Variants in IST1 observed in about 807,000 individuals in gnomAD.
IST1 encodes IST1 factor associated with ESCRT-III.
In IST1, 23 loss-of-function variants were observed where a neutral mutation model predicts 37.0. The ratio of observed to expected loss-of-function variants is 0.62; its 90% confidence interval spans 0.45 to 0.88. The LOEUF (loss-of-function observed/expected upper bound fraction) is 0.88, where lower values mean the gene tolerates loss of function less well. IST1 is among the 40% of genes least tolerant of loss of function. The pLI is 0.00. For missense variants in IST1, 488 were observed against 445.4 expected, an observed-to-expected ratio of 1.10 and a Z score of -0.86; for synonymous variants, 180 against 161.7, an observed-to-expected ratio of 1.11 and a Z score of -0.86.
At position 71,927,870 on chromosome 16, in the gene IST1, T is replaced by C; in HGVS notation, c.*57T>C. The C allele has an allele frequency of 2.5e-6, 3 of 1,197,190 alleles. No individual in the cohort carries two copies. The South Asian group carries it at 3.7e-5, about 15-fold the overall frequency. 74.2% of individuals were successfully genotyped at this position (1,197,190 alleles called of 1,614,324 possible). A position where few individuals can be genotyped will look rare whatever the true frequency, so the allele number is the denominator to read the frequency against. On this transcript the variant is annotated 3_prime_UTR_variant, in exon 10 of 10. Coordinates refer to ENST00000378799, the MANE Select transcript of IST1 (RefSeq NM_001270975.2). ...GGAGTTGAGACTGAGCAATTTCTCC[T>C]TGTAACAAAGAATCTCCATGAAATT...
chr16:71,910,347 C>T (rs1364162888), intron 1 of IST1, among the ~76,000 whole-genome samples: 1 of 152,118 alleles, frequency 6.6e-6, no homozygotes, highest in African/African-American at 2.4e-5. Flanking sequence ...AGGCTCAAGT[C>T]TGTAATCCCA....
Position 71,929,691 on chromosome 16 carries a change from G to C in IST1, c.*1878G>C, listed in dbSNP as rs1359928651. 1 of 1,518,376 alleles carries C rather than the reference G, an allele frequency of 6.6e-7. No individual in the cohort carries two copies. The highest frequency in any genetic ancestry group is 1.4e-5 in the African/African-American group (1 of 71,292). 94.1% of individuals were successfully genotyped at this position (1,518,376 alleles called of 1,614,324 possible). On this transcript the variant is annotated 3_prime_UTR_variant, in exon 10 of 10. Transcript: ENST00000378799. ...GTGCAGCTTCTTTCTGAGTATTGAA[G>C]ACAAAAAGAGAAAAGTGAGAAAATT...
chr16:71,915,503 C>A (rs1597247828), intron 1 of IST1, 123 bp from the exon 2 acceptor site: 3 of 615,560 alleles, frequency 4.9e-6, no homozygotes, highest in Admixed American at 3.2e-5. Context: ...TGAATTAGAT[C>A]ATGTCATTTT....
intron 1 of IST1, among the ~76,000 whole-genome samples, chr16:71,902,827 T>A (rs1338541384): frequency 6.6e-6 from 1 of 152,162 alleles, no homozygotes; most frequent in African/African-American, 2.4e-5. Flanking sequence ...TGTCAGTTTT[T>A]AAAAAATCGT....
intron 6 of IST1, among the ~76,000 whole-genome samples, chr16:71,922,030 G>A (rs752478835): frequency 3.3e-5 from 5 of 152,116 alleles, no homozygotes; most frequent in Admixed American, 6.5e-5. Flanking sequence ...TCAGCTACTC[G>A]GGAGGCTGAG....
At chr16:71,922,125 G>A (rs951830182) in intron 6 of IST1, among the ~76,000 whole-genome samples, 1 of 152,048 alleles carries the variant, frequency 6.6e-6, no homozygotes, top group Non-Finnish European at 1.5e-5. Flanking sequence ...GGGTGACAGA[G>A]TGAGACTCCG....
intron 1 of IST1, chr16:71,903,191 A>T (rs925465643): frequency 6.6e-6 from 1 of 152,098 alleles, no homozygotes; most frequent in African/African-American, 2.4e-5. Flanking sequence ...ACATTGTCCA[A>T]GCTGGTCTCA....
At chr16:71,910,985 CAAAA>C (rs753931103) in intron 1 of IST1, among the ~76,000 whole-genome samples, 7 of 151,452 alleles carry the variant, frequency 4.6e-5, no homozygotes, top group Non-Finnish European at 7.4e-5. Context: ...TAAAAACAAA[CAAAA>C]AAAACATTGG....
At chr16:71,911,101 C>T (rs369701545) in intron 1 of IST1, among the ~76,000 whole-genome samples, 1 of 151,898 alleles carries the variant, frequency 6.6e-6, no homozygotes, top group African/African-American at 2.4e-5. Context: ...ATTAGCTAGG[C>T]GTGGTGGTGT....
intron 1 of IST1, among the ~76,000 whole-genome samples, chr16:71,905,304 G>A (rs1055957647): frequency 1.3e-5 from 2 of 151,570 alleles, no homozygotes; most frequent in African/African-American, 4.9e-5. Flanking sequence ...AAAGTGCTGC[G>A]ATTATGGGCA....
intron 1 of IST1, among the ~76,000 whole-genome samples, chr16:71,899,381 C>G (rs891905062): frequency 6.6e-6 from 1 of 151,312 alleles, no homozygotes; most frequent in Non-Finnish European, 1.5e-5. Context: ...AGTTGGGAGA[C>G]CAGCCTGGGC....
chr16:71,925,308 C>A (rs948610517), intron 9 of IST1, among the ~76,000 whole-genome samples: 1 of 149,730 alleles, frequency 6.7e-6, no homozygotes, highest in Non-Finnish European at 1.5e-5. Context: ...AGCCACTGCC[C>A]CCAGCTGATT....
At chr16:71,907,557 G>A (rs1396258535) in intron 1 of IST1, among the ~76,000 whole-genome samples, 2 of 152,116 alleles carry the variant, frequency 1.3e-5, no homozygotes, top group African/African-American at 4.8e-5. Context: ...GATTACAGGC[G>A]TGAGCCACTG....
chr16:71,918,832 G>A (rs992642550), intron 4 of IST1, among the ~76,000 whole-genome samples: 1 of 152,180 alleles, frequency 6.6e-6, no homozygotes, highest in Non-Finnish European at 1.5e-5. Context: ...AAATCTCTGT[G>A]TAGTATAAAC....
chr16:71,921,400 A>T lies in IST1; in HGVS notation c.499A>T (p.Ile167Phe). The T allele has an allele frequency of 1.9e-6, 3 of 1,613,946 alleles. No individual in the cohort carries two copies. Among genetic ancestry groups the T allele is most frequent in the Non-Finnish European group, 2.5e-6 (3 of 1,179,832 alleles). Residue 167 changes from isoleucine to phenylalanine, a missense_variant, in exon 6 of 10, where the codon ATT becomes TTT. Physicochemically the swap from Ile to Phe is conservative, Grantham distance 21. Coordinates refer to ENST00000378799, the MANE Select transcript of IST1 (RefSeq NM_001270975.2). The stretch of plus-strand genomic sequence containing the variant: ...CAAAATCCTGGTGGAGAGATACCTG[A>T]TTGAAATTGCAAAGAATTACAACGT... The part of the protein sequence containing the change: ...PPKILVERYL[I>F]EIAKNYNVPY...
Position 71,923,425 on chromosome 16 carries a change from C to T in IST1, c.852+45C>T, listed in dbSNP as rs371310063. On this transcript the variant is annotated intron_variant, in intron 8 of 9. Transcript: ENST00000378799. ...TTATAAGCAACAGGAGAGTGAATGC[C>T]ATGAAGAGCGAGCAAAATAATGACC... 5 of 1,237,448 alleles carry T rather than the reference C, an allele frequency of 4.0e-6. No homozygotes were observed. The African/African-American group carries it at 6.0e-5, about 15-fold the overall frequency. The allele number at this position is 1,237,448 out of a possible 1,614,324, so 76.7% of individuals were successfully genotyped here.
rs2037834376 is a variant in IST1, at chr16:71,929,370, T to G, written c.*1557T>G. On this transcript the variant is annotated 3_prime_UTR_variant, in exon 10 of 10. Coordinates refer to ENST00000378799, the MANE Select transcript of IST1 (RefSeq NM_001270975.2). ...TTGTCTCGTAGTATTCTTGCATTGT[T>G]AATCCTATCTTGACAGTGCCAAGAT... is the stretch of plus-strand genomic sequence containing the variant. 1.6e-6 allele frequency: 1 copy of G among 635,530 alleles called. No individual in the cohort carries two copies. The highest frequency in any genetic ancestry group is 1.8e-5 in the African/African-American group (1 of 54,346). The allele number at this position is 635,530 out of a possible 1,614,324, so 39.4% of individuals were successfully genotyped here.
Position 71,927,698 on chromosome 16 carries a change from C to T in IST1, c.986C>T (p.Pro329Leu). 1.2e-6 allele frequency: 2 copies of T among 1,613,740 alleles called. No individual in the cohort carries two copies. The highest frequency in any genetic ancestry group is 1.7e-6 in the Non-Finnish European group (2 of 1,179,668). ...NYDNFVLPEL[P>L]SVPDTLPTAS... ...GACAACTTTGTCCTACCAGAGTTGC[C>T]ATCTGTGCCAGACACACTACCAACT... Residue 329 changes from proline (P) to leucine (L), a missense_variant, in exon 10 of 10, where the codon CCA becomes CTA. By Grantham distance (98) the Pro-to-Leu change is moderately conservative. Transcript: ENST00000378799.
chr16:71,907,994 G>A lies in IST1; in HGVS notation c.-15-7632G>A, dbSNP rs377287588. On this transcript the variant is annotated intron_variant, in intron 1 of 9. Transcript: ENST00000378799. The stretch of plus-strand genomic sequence containing the variant: ...GGAGTCTCGCTCTGTTGCCCAGCTG[G>A]AGTGCAGTGGTGTGATCTCAGTCCA... Among the ~76,000 whole-genome samples, 52 of 152,230 alleles carry A rather than the reference G, an allele frequency of 3.4e-4. No individual in the cohort carries two copies. In the South Asian group the frequency reaches 0.011, roughly 32 times the overall value.
Sources: gnomAD v4.1 joint callset for allele counts (sites outside exome capture counted in the v4.1 genomes callset) on GRCh38, gnomAD v4.1.1 for gene constraint, MANE v1.5 for transcripts, NCBI Gene and HGNC (gene_info 2026-07-23, HGNC 2026-07-21) for gene names.